The following C12orf76 variants were observed in gnomAD, a reference collection of about 807,000 sequenced individuals.
C12orf76 encodes the protein uncharacterized protein C12orf76.
A neutral mutation model predicts 6.8 loss-of-function variants in C12orf76; 6 were observed. The observed-to-expected ratio is 0.88, with a 90% CI of 0.48 to 1.73. The LOEUF is 1.73. C12orf76 is among the 40% of genes most tolerant of loss of function. The pLI is 0.01. For missense variants in C12orf76, 99 were observed against 98.2 expected (o/e 1.01, Z -0.03); for synonymous variants, 56 against 43.7 (o/e 1.28, Z -1.11).
intron 2 of C12orf76, among the ~76,000 whole-genome samples, chr12:110,065,171 T>C (rs1191071467): frequency 6.6e-6 from 1 of 151,618 alleles, no homozygotes; most frequent in Admixed American, 6.6e-5. Flanking sequence ...TATATATATA[T>C]ACACATTTTT....
upstream of C12orf76, among the ~76,000 whole-genome samples, chr12:110,071,005 C>T (rs1892955172): frequency 6.6e-6 from 1 of 152,274 alleles, no homozygotes; most frequent in Middle Eastern, 3.4e-3. Flanking sequence ...AAACTCCTGA[C>T]CTTAGGTGAT....
At chr12:110,057,332 G>GA (rs747004158) in intron 3 of C12orf76, 4 of 1,443,174 alleles carry the variant, frequency 2.8e-6, no homozygotes, top group Non-Finnish European at 3.9e-6. Context: ...CCAAAGGGCT[G>GA]AGCCTCCAAA....
At chr12:110,050,962 A>T (rs1892564289), upstream of C12orf76, 6 of 729,276 alleles carry the variant, frequency 8.2e-6, no homozygotes, top group African/African-American at 1.7e-5. Flanking sequence ...CCTTTGGGTA[A>T]GTGTTGGGGT....
upstream of C12orf76, among the ~76,000 whole-genome samples, chr12:110,071,509 C>T (rs1009467440): frequency 3.3e-5 from 5 of 151,140 alleles, no homozygotes; most frequent in Admixed American, 3.3e-4. Context: ...CTCCTCATGC[C>T]TTTTTTTTTG....
upstream of C12orf76, chr12:110,051,233 A>T: frequency 1.3e-6 from 1 of 764,334 alleles, no homozygotes; most frequent in Non-Finnish European, 2.4e-6. Context: ...CAGGCTCTGC[A>T]GGCCACTTCC....
intron 1 of C12orf76, chr12:110,066,062 G>A: frequency 6.6e-7 from 1 of 1,508,284 alleles, no homozygotes; most frequent in Non-Finnish European, 8.8e-7. Flanking sequence ...ATGAGAATGT[G>A]GCAGACCTCA....
exon 3 of C12orf76, chr12:110,059,117 A>T (rs1482783173): frequency 6.4e-7 from 1 of 1,550,494 alleles, no homozygotes; most frequent in Admixed American, 2.0e-5. Context: ...CTTAAATGCT[A>T]TGGTAAATGG....
At chr12:110,068,247 A>AAAGAAGAAGAAGAAGAAGAAGAAG (rs4042063), upstream of C12orf76, among the ~76,000 whole-genome samples, 3 of 63,778 alleles carry the variant, frequency 4.7e-5, no homozygotes, top group Admixed American at 1.9e-4. Context: ...GAAGAAGAAG[A>AAAGAAGAAGAAGAAGAAGAAGAAG]AAGAAGAAGA....
intron 1 of C12orf76, among the ~76,000 whole-genome samples, chr12:110,043,581 C>T (rs1892372014): frequency 6.6e-6 from 1 of 152,024 alleles, no homozygotes; most frequent in Non-Finnish European, 1.5e-5. Context: ...TGGCTGGGTG[C>T]GGTGGCTCAT....
intron 1 of C12orf76, 180 bp from the exon 2 acceptor site, chr12:110,042,639 C>G (rs545164740): frequency 1.4e-6 from 1 of 700,560 alleles, no homozygotes; most frequent in Non-Finnish European, 2.6e-6. Flanking sequence ...GAGAAACAAA[C>G]AGATGAGAGC....
intron 4 of C12orf76, among the ~76,000 whole-genome samples, chr12:110,055,359 G>A (rs1039621973): frequency 7.9e-5 from 12 of 151,812 alleles, no homozygotes; most frequent in African/African-American, 1.9e-4. Context: ...GGCATGCGCC[G>A]CCACACCCAG....
At chr12:110,055,776 C>T (rs867283759) in intron 4 of C12orf76, among the ~76,000 whole-genome samples, 55 of 152,124 alleles carry the variant, frequency 3.6e-4, no homozygotes, top group African/African-American at 1.2e-3. Context: ...CATAGGGAGT[C>T]GAAGCTGTCT....
intron 1 of C12orf76, among the ~76,000 whole-genome samples, chr12:110,045,363 G>A (rs1321721184): frequency 2.6e-5 from 4 of 151,266 alleles, no homozygotes; most frequent in African/African-American, 4.9e-5. Flanking sequence ...CAAGGCGGGC[G>A]GATCACAAGA....
upstream of C12orf76, among the ~76,000 whole-genome samples, chr12:110,068,259 G>GAAA (rs771619377): frequency 0.014 from 1,169 of 86,354 alleles, 37 homozygotes; most frequent in African/African-American, 0.023. Context: ...AGAAGAAGAA[G>GAAA]AAGAAGAAGA....
chr12:110,062,092 C>T (rs937679500), intron 2 of C12orf76, among the ~76,000 whole-genome samples: 3 of 151,806 alleles, frequency 2.0e-5, no homozygotes, highest in Non-Finnish European at 4.4e-5. Context: ...GGTAAGACCC[C>T]CTCTCTACTA....
chr12:110,056,674 G>A (rs1419589257), intron 4 of C12orf76, among the ~76,000 whole-genome samples: 1 of 152,134 alleles, frequency 6.6e-6, no homozygotes, highest in African/African-American at 2.4e-5. Flanking sequence ...ATATGGTTTG[G>A]CTGTGTCCCC....
At chr12:110,046,612 G>A (rs1270887784) in intron 1 of C12orf76, among the ~76,000 whole-genome samples, 2 of 152,114 alleles carry the variant, frequency 1.3e-5, no homozygotes, top group African/African-American at 4.8e-5. Context: ...ACCTAGAACT[G>A]GTCTCTAAGT....
chr12:110,045,563 A>G (rs1892428283), intron 1 of C12orf76, among the ~76,000 whole-genome samples: 1 of 151,968 alleles, frequency 6.6e-6, no homozygotes, highest in African/African-American at 2.4e-5. Flanking sequence ...TGGCCTGGCA[A>G]CAGAGCGAGA....
upstream of C12orf76, among the ~76,000 whole-genome samples, chr12:110,069,179 G>A (rs990498510): frequency 6.6e-6 from 1 of 152,186 alleles, no homozygotes; most frequent in South Asian, 2.1e-4. Context: ...GGTGCCTCAC[G>A]CCTGTAATCC....
Sources: gnomAD v4.1 joint callset for allele counts (sites outside exome capture counted in the v4.1 genomes callset) on GRCh38, gnomAD v4.1.1 for gene constraint, MANE v1.5 for transcripts, NCBI Gene and HGNC (gene_info 2026-07-23, HGNC 2026-07-21) for gene names.